Variants in CNTNAP2 observed in about 807,000 individuals in gnomAD.
CNTNAP2 encodes contactin-associated protein-like 2.
CNTNAP2 carries 98 observed loss-of-function variants against 155.2 expected under a neutral mutation model. The ratio of observed to expected loss-of-function variants is 0.63; its 90% CI spans 0.54 to 0.75. The LOEUF is 0.75. CNTNAP2 is among the 30% of genes least tolerant of loss of function. CNTNAP2 has a pLI of 0.00. For missense variants in CNTNAP2, 1,727 were observed against 1,688.1 expected (o/e 1.02, Z -0.40); for synonymous variants, 651 against 631.2 (o/e 1.03, Z -0.47).
intron 13 of CNTNAP2, among the ~76,000 whole-genome samples, chr7:147,736,633 A>C (rs1435993027): frequency 2.0e-5 from 3 of 152,034 alleles, no homozygotes; most frequent in African/African-American, 7.3e-5. Flanking sequence ...ACTTGGTTCC[A>C]TTCTTCCCGT....
intron 12 of CNTNAP2, among the ~76,000 whole-genome samples, chr7:147,576,917 C>G (rs1800406481): frequency 6.6e-6 from 1 of 151,988 alleles, no homozygotes; most frequent in Non-Finnish European, 1.5e-5. Flanking sequence ...TTACACCAAC[C>G]CTTGGATATA....
At chr7:146,307,310 C>T (rs1223402036) in intron 1 of CNTNAP2, among the ~76,000 whole-genome samples, 1 of 152,146 alleles carries the variant, frequency 6.6e-6, no homozygotes, top group Admixed American at 6.5e-5. Context: ...CTACAAACCA[C>T]TGCTCAATGA....
At chr7:146,370,145 C>T (rs1324131802) in intron 1 of CNTNAP2, among the ~76,000 whole-genome samples, 2 of 150,002 alleles carry the variant, frequency 1.3e-5, no homozygotes, top group Non-Finnish European at 2.9e-5. Flanking sequence ...TCTTGCTGGG[C>T]AAGGTGGCTT....
chr7:147,880,754 G>A (rs533089594), intron 13 of CNTNAP2, among the ~76,000 whole-genome samples: 2 of 152,168 alleles, frequency 1.3e-5, no homozygotes, highest in South Asian at 4.2e-4. Context: ...GCTGCTGAGA[G>A]GTCTGGTAAA....
Position 146,499,428 on chromosome 7 carries a change from C to T in CNTNAP2, c.98-274843C>T, listed in dbSNP as rs149493031. Among the ~76,000 whole-genome samples the T allele has an allele frequency of 4.4e-3, 665 of 152,286 alleles. 7 individuals are homozygous for T. Among genetic ancestry groups the T allele is most frequent in the African/African-American group, 0.015 (628 of 41,556 alleles). ...TTCCACTAATCTATAAACCAAATCC[C>T]CAAGCCAGCACCACACTGTCTTTAT... On this transcript the variant is annotated intron_variant, in intron 1 of 23. Coordinates refer to ENST00000361727, the MANE Select transcript of CNTNAP2 (RefSeq NM_014141.6).
intron 1 of CNTNAP2, among the ~76,000 whole-genome samples, chr7:146,657,882 CTA>C (rs1800021555): frequency 2.0e-5 from 3 of 151,800 alleles, no homozygotes; most frequent in South Asian, 4.2e-4. Flanking sequence ...AAAGTGGTAA[CTA>C]TGATTATTTT....
intron 15 of CNTNAP2, among the ~76,000 whole-genome samples, chr7:148,013,620 T>G (rs1397852610): frequency 6.6e-6 from 1 of 152,228 alleles, no homozygotes; most frequent in Non-Finnish European, 1.5e-5. Context: ...CTGAATCATA[T>G]GCCAACCCCA....
At chr7:147,407,618 A>C (rs1026996168) in intron 10 of CNTNAP2, among the ~76,000 whole-genome samples, 3 of 151,958 alleles carry the variant, frequency 2.0e-5, no homozygotes, top group African/African-American at 7.3e-5. Flanking sequence ...AGAAAACCAA[A>C]AGTTACAGGA....
chr7:147,091,853 G>A (rs1800414217), intron 4 of CNTNAP2, among the ~76,000 whole-genome samples: 1 of 152,052 alleles, frequency 6.6e-6, no homozygotes, highest in African/African-American at 2.4e-5. Flanking sequence ...TGATCCACCT[G>A]TCTGGGCCTC....
Position 148,377,225 on chromosome 7 carries a change from G to A in CNTNAP2, c.3476-6424G>A, listed in dbSNP as rs1408208521. ...GCAGTGCCTGGCCATGTTTTCAAGT[G>A]TACATCAGGTGACCACTCACCTGTT... is the stretch of plus-strand genomic sequence containing the variant. On this transcript the variant is annotated intron_variant, in intron 21 of 23. Transcript: ENST00000361727. 1.0e-4 allele frequency among the ~76,000 whole-genome samples: 7 copies of A among 67,646 alleles called. 2 individuals are homozygous for A. Among genetic ancestry groups the A allele is most frequent in the Non-Finnish European group, 2.9e-4 (7 of 24,094 alleles). The allele number at this position is 67,646 out of a possible 152,430, so 44.4% of individuals were successfully genotyped here. A position where few individuals can be genotyped will look rare whatever the true frequency, so the allele number is the denominator to read the frequency against.
At chr7:146,440,605 T>C (rs1219010591) in intron 1 of CNTNAP2, among the ~76,000 whole-genome samples, 1 of 151,494 alleles carries the variant, frequency 6.6e-6, no homozygotes, top group Non-Finnish European at 1.5e-5. Flanking sequence ...AAAATCAGAC[T>C]CTTGAGAATT....
chr7:146,558,638 C>A (rs1019725613), intron 1 of CNTNAP2, among the ~76,000 whole-genome samples: 16 of 152,034 alleles, frequency 1.1e-4, no homozygotes, highest in African/African-American at 3.4e-4. Context: ...GAGGTACATT[C>A]TTAGCAAATT....
intron 1 of CNTNAP2, among the ~76,000 whole-genome samples, chr7:146,303,718 TGTG>T (rs1366068517): frequency 6.6e-6 from 1 of 152,162 alleles, no homozygotes; most frequent in Non-Finnish European, 1.5e-5. Context: ...ATAAGTGTGT[TGTG>T]GTGCTGAGAA....
At chr7:146,153,569 A>T (rs1273523109) in intron 1 of CNTNAP2, among the ~76,000 whole-genome samples, 1 of 152,226 alleles carries the variant, frequency 6.6e-6, no homozygotes, top group East Asian at 1.9e-4. Context: ...TGAGACTATC[A>T]GTACAAGGAA....
At chr7:147,984,926 C>A (rs931671467) in intron 15 of CNTNAP2, among the ~76,000 whole-genome samples, 6 of 151,918 alleles carry the variant, frequency 3.9e-5, no homozygotes, top group Admixed American at 6.6e-5. Flanking sequence ...ACCAGCCTGG[C>A]CAACATGGTG....
At chr7:147,997,030 G>A (rs1159769278) in intron 15 of CNTNAP2, among the ~76,000 whole-genome samples, 1 of 152,184 alleles carries the variant, frequency 6.6e-6, no homozygotes, top group Non-Finnish European at 1.5e-5. Flanking sequence ...TCTGCCATGA[G>A]AGACTTCAGC....
intron 12 of CNTNAP2, among the ~76,000 whole-genome samples, chr7:147,576,997 C>T (rs886964336): frequency 1.3e-5 from 2 of 152,028 alleles, no homozygotes; most frequent in African/African-American, 4.8e-5. Flanking sequence ...AAGTAAATTA[C>T]AAACCACATA....
chr7:147,059,949 G>T (rs1355711084), intron 4 of CNTNAP2, among the ~76,000 whole-genome samples: 1 of 151,990 alleles, frequency 6.6e-6, no homozygotes, highest in Non-Finnish European at 1.5e-5. Context: ...TTTGTATCCA[G>T]AATTGATTAA....
At chr7:147,688,369 G>A (rs6970360) in intron 13 of CNTNAP2, among the ~76,000 whole-genome samples, 10 of 152,190 alleles carry the variant, frequency 6.6e-5, no homozygotes, top group South Asian at 2.1e-4. Flanking sequence ...TCTGAAATGC[G>A]TGAAAGAGTA....
Sources: gnomAD v4.1 joint callset for allele counts (sites outside exome capture counted in the v4.1 genomes callset) on GRCh38, gnomAD v4.1.1 for gene constraint, MANE v1.5 for transcripts, NCBI Gene and HGNC (gene_info 2026-07-23, HGNC 2026-07-21) for gene names.